The following GGT5 variants were observed in gnomAD, a reference collection of about 807,000 sequenced individuals.
GGT5 encodes glutathione hydrolase 5 proenzyme.
Under a neutral mutation model 58.1 loss-of-function variants are expected in GGT5, and 50 were observed. The ratio of observed to expected loss-of-function variants is 0.86; its 90% CI spans 0.69 to 1.09. GGT5 has a LOEUF of 1.09. GGT5 is among the 50% of genes least tolerant of loss of function. The pLI is 0.00. For missense variants in GGT5, 800 were observed against 789.4 expected (o/e 1.01, Z -0.16); for synonymous variants, 370 against 346.1 (o/e 1.07, Z -0.77).
rs367693056 is a variant in GGT5 at position 24,225,569 on chromosome 22, C to T, written c.1313G>A (p.Gly438Asp). ...ACCAGGTGAGGGGGTGGTGCCGGAA[C>T]CCCGGGGGCATCGCTCGCATAAGTC... ...LLDLCERCPR[G>D]SGTTPSPVSG... Residue 438 changes from glycine to aspartate, a missense_variant, in exon 9 of 12, where the codon GGT becomes GAT. Coordinates refer to ENST00000327365, the MANE Select transcript of GGT5 (RefSeq NM_004121.5). The T allele has an allele frequency of 5.6e-6, 9 of 1,612,312 alleles. No homozygotes were observed. The highest frequency in any genetic ancestry group is 3.3e-4 in the Middle Eastern group (2 of 6,084).
At chr22:24,220,348 G>A (rs551677694) in intron 11 of GGT5, 343 of 626,766 alleles carry the variant, frequency 5.5e-4, no homozygotes, top group African/African-American at 5.0e-3. Context: ...ACCCAGGCCC[G>A]AAGACCTCCA....
At chr22:24,220,372 G>A (rs2047554363) in intron 11 of GGT5, 4 of 607,070 alleles carry the variant, frequency 6.6e-6, no homozygotes, top group Non-Finnish European at 1.2e-5. Flanking sequence ...GCAAGTTCAT[G>A]TCTGTTCTGG....
intron 11 of GGT5, among the ~76,000 whole-genome samples, chr22:24,223,657 T>G (rs1480284149): frequency 6.6e-6 from 1 of 151,942 alleles, no homozygotes; most frequent in East Asian, 1.9e-4. Context: ...GCCATGGTTC[T>G]CAGGTTCTAA....
rs2048024186 is a variant in GGT5, at chr22:24,233,897, A to T, written c.281T>A (p.Phe94Tyr). The stretch of plus-strand genomic sequence containing the variant: ...ACCTGTTGTCACATTGTAGATGGTG[A>T]AGATGACCCCTCCGCCCAGGCCCAT... ...QSMGLGGGVI[F>Y]TIYNVTTGKV... Residue 94 changes from phenylalanine (F) to tyrosine (Y), a missense_variant, in exon 2 of 12, where the codon TTC (phenylalanine) becomes TAC (tyrosine). Transcript: ENST00000327365. 6.2e-7 allele frequency: 1 copy of T among 1,613,768 alleles called. No individual in the cohort carries two copies. The highest frequency in any genetic ancestry group is 2.2e-5 in the East Asian group (1 of 44,862).
intron 1 of GGT5, chr22:24,243,518 G>A (rs985966698): frequency 6.6e-6 from 1 of 152,348 alleles, no homozygotes; most frequent in Non-Finnish European, 1.5e-5. Flanking sequence ...GAGAGAGAGA[G>A]CAGCCACTCC....
chr22:24,234,442 C>T (rs576321689), intron 1 of GGT5, among the ~76,000 whole-genome samples: 1 of 152,188 alleles, frequency 6.6e-6, no homozygotes, highest in Admixed American at 6.6e-5. Flanking sequence ...GGCAGGTGAT[C>T]CCAGGATCCT....
Position 24,231,488 on chromosome 22 carries a change from T to A in GGT5, c.797A>T (p.Glu266Val). 6.3e-7 allele frequency: 1 copy of A among 1,584,442 alleles called. No individual in the cohort carries two copies. The highest frequency in any genetic ancestry group is 8.6e-7 in the Non-Finnish European group (1 of 1,165,094). ...GGGCACCTCCAGGGCATCCACCACC[T>A]CGGGCTGGAACTTGGCCAGGTCCTG... The part of the protein sequence containing the change: ...TLQDLAKFQP[E>V]VVDALEVPLG... Residue 266 changes from glutamate (E) to valine (V), a missense_variant, in exon 6 of 12, where the codon GAG becomes GTG. Physicochemically the swap from Glu to Val is moderately radical, Grantham distance 121. Coordinates refer to ENST00000327365, the MANE Select transcript of GGT5 (RefSeq NM_004121.5).
intron 8 of GGT5, 126 bp downstream of exon 8, chr22:24,225,947 AGAG>A (rs2047746807): frequency 7.3e-6 from 5 of 685,184 alleles, no homozygotes; most frequent in South Asian, 5.8e-5. Context: ...CTTTTGAAAT[AGAG>A]GAGGAGAAAA....
chr22:24,232,339 G>A, intron 4 of GGT5, 131 bp from the exon 5 acceptor site: 1 of 568,346 alleles, frequency 1.8e-6, no homozygotes, highest in Non-Finnish European at 3.1e-6. Context: ...CGAGGCACTG[G>A]GGTGGACACC....
intron 1 of GGT5, chr22:24,244,132 G>A (rs1414993637): frequency 6.5e-5 from 11 of 170,400 alleles, no homozygotes; most frequent in East Asian, 1.7e-4. Context: ...GGAGCCAGGC[G>A]TGGACTCACA....
At chr22:24,227,749 G>T (rs533080830) in intron 6 of GGT5, among the ~76,000 whole-genome samples, 1 of 152,062 alleles carries the variant, frequency 6.6e-6, no homozygotes, top group East Asian at 1.9e-4. Context: ...GAAGTGGGAA[G>T]AGGCTGTGAA....
In GGT5 at chr22:24,232,201, A is replaced by C; in HGVS notation, c.604T>G (p.Phe202Val). 11 of 1,057,618 alleles carry C rather than the reference A, an allele frequency of 1.0e-5. No individual in the cohort carries two copies. The highest frequency in any genetic ancestry group is 2.3e-4 in the Middle Eastern group (1 of 4,336). 65.5% of individuals were successfully genotyped at this position (1,057,618 alleles called of 1,614,324 possible). A position where few individuals can be genotyped will look rare whatever the true frequency, so the allele number is the denominator to read the frequency against. Reference sequence around the variant, plus strand: ...CTCAGGGGTTCTGTCCCGTTGAAGAAGAGCTGGCTGGGGGGTGGGGGGAGC... The same window carrying C: ...CTCAGGGGTTCTGTCCCGTTGAAGACGAGCTGGCTGGGGGGTGGGGGGAGC... Reference protein sequence around the residue: ...SLQASTLRQLFFNGTEPLRPQ... With the variant: ...SLQASTLRQLVFNGTEPLRPQ... Residue 202 changes from phenylalanine to valine, a missense_variant, in exon 5 of 12, where the codon TTC becomes GTC. Phe to Val is a conservative substitution (Grantham distance 50, BLOSUM62 -1). Coordinates refer to ENST00000327365, the MANE Select transcript of GGT5 (RefSeq NM_004121.5).
intron 1 of GGT5, among the ~76,000 whole-genome samples, chr22:24,234,298 C>T (rs755407668): frequency 6.6e-6 from 1 of 152,228 alleles, no homozygotes; most frequent in African/African-American, 2.4e-5. Context: ...GCAGCACCAG[C>T]TCATATGCTA....
At chr22:24,242,184 A>G (rs189728548) in intron 1 of GGT5, 1 of 152,336 alleles carries the variant, frequency 6.6e-6, no homozygotes, top group Non-Finnish European at 1.5e-5. Context: ...CACTGTCACC[A>G]TGCTCCTTTT....
chr22:24,238,771 AT>A (rs2048180002), intron 1 of GGT5, among the ~76,000 whole-genome samples: 2 of 28,346 alleles, frequency 7.1e-5, no homozygotes, highest in Non-Finnish European at 1.1e-4. Context: ...ATATATATAT[AT>A]ATATATAATA....
At chr22:24,240,484 T>A (rs1464596003) in intron 1 of GGT5, among the ~76,000 whole-genome samples, 1 of 151,532 alleles carries the variant, frequency 6.6e-6, no homozygotes, top group Admixed American at 6.6e-5. Context: ...CCAAGAAAGC[T>A]GTATAACTTT....
chr22:24,238,628 C>A (rs1230638141), intron 1 of GGT5, among the ~76,000 whole-genome samples: 2 of 129,460 alleles, frequency 1.5e-5, no homozygotes, highest in Non-Finnish European at 3.2e-5. Flanking sequence ...CACTTGAACC[C>A]GGGAGGCAGA....
intron 1 of GGT5, among the ~76,000 whole-genome samples, chr22:24,238,210 CAG>C (rs2048154578): frequency 8.6e-6 from 1 of 115,658 alleles, no homozygotes; most frequent in Non-Finnish European, 1.7e-5. Flanking sequence ...GCCTGGGGGA[CAG>C]AGTGAGGCTC....
At chr22:24,238,929 TATATTATATAATATATATATATATATATA>T (rs1479344311) in intron 1 of GGT5, among the ~76,000 whole-genome samples, 850 of 28,252 alleles carry the variant, frequency 0.03, 109 homozygotes, top group Non-Finnish European at 0.039. Flanking sequence ...ATATATAATA[TATATTATATAATATATATATATATATATA>T]ATATATATAT....
Sources: allele counts gnomAD v4.1 joint callset (sites outside exome capture counted in the v4.1 genomes callset), GRCh38; gene constraint gnomAD v4.1.1; transcripts MANE v1.5; gene names NCBI Gene and HGNC (gene_info 2026-07-23, HGNC 2026-07-21).